TFDP2: variants seen among roughly 807,000 people sequenced by gnomAD.
TFDP2 encodes the protein transcription factor Dp-2, also known as transcription factor Dp-2 (E2F dimerization partner 2).
In TFDP2, 17 loss-of-function variants were observed where a neutral mutation model predicts 59.3. The observed-to-expected ratio is 0.29, with a 90% CI of 0.20 to 0.43. The LOEUF is 0.43. Ranked by LOEUF, TFDP2 falls within the 20% of genes least tolerant of loss-of-function variation. The probability of loss-of-function intolerance (pLI) is 1.00; values close to 1 mark genes in which losing one functional copy is unlikely to be tolerated. For missense variants in TFDP2, 391 were observed against 528.8 expected, an observed-to-expected ratio of 0.74 and a Z score of 2.56; for synonymous variants, 180 against 194.7, an observed-to-expected ratio of 0.92 and a Z score of 0.63.
intron 7 of TFDP2, among the ~76,000 whole-genome samples, chr3:141,974,529 A>G (rs1396510829): frequency 6.6e-6 from 1 of 152,204 alleles, no homozygotes; most frequent in Non-Finnish European, 1.5e-5. Flanking sequence ...GTAGGATAGA[A>G]TGAAGACCAA....
At chr3:141,994,971 T>C (rs1212594966) in intron 5 of TFDP2, 49 bp downstream of exon 5, 5 of 1,453,536 alleles carry the variant, frequency 3.4e-6, no homozygotes, top group South Asian at 1.6e-5. Context: ...GAAAAAAATG[T>C]CTAAACTTTT....
intron 1 of TFDP2, among the ~76,000 whole-genome samples, chr3:142,114,960 A>T (rs2061797674): frequency 1.3e-5 from 2 of 152,048 alleles, no homozygotes; most frequent in Admixed American, 1.3e-4. Flanking sequence ...AGCCTTCCAT[A>T]AAAAAATTCT....
intron 1 of TFDP2, among the ~76,000 whole-genome samples, chr3:142,127,303 CTTTT>C (rs769181436): frequency 9.2e-6 from 1 of 108,324 alleles, no homozygotes; most frequent in Non-Finnish European, 1.9e-5. Context: ...CTACACTCCG[CTTTT>C]TTTTTTTTTT....
At chr3:141,989,961 T>C (rs1010996242) in intron 6 of TFDP2, among the ~76,000 whole-genome samples, 2 of 151,808 alleles carry the variant, frequency 1.3e-5, no homozygotes, top group Non-Finnish European at 2.9e-5. Flanking sequence ...TGGCACGAAC[T>C]TGGCTCACTG....
Position 142,149,347 on chromosome 3 carries a change from G to C in TFDP2, c.-257C>G. 2.5e-6 allele frequency: 1 copy of C among 392,436 alleles called. No homozygotes were observed. Among genetic ancestry groups the C allele is most frequent in the East Asian group, 3.6e-5 (1 of 27,710 alleles). The allele number at this position is 392,436 out of a possible 1,614,324, so 24.3% of individuals were successfully genotyped here. A position where few individuals can be genotyped will look rare whatever the true frequency, so the allele number is the denominator to read the frequency against. On this transcript the variant is annotated 5_prime_UTR_variant, in exon 1 of 13. Coordinates refer to ENST00000489671, the MANE Select transcript of TFDP2 (RefSeq NM_001178139.2). ...CGGCCTGCCCGGTCAAGGCCCAGGA[G>C]TTTGAGGCCCCAGAACGCCAACCGT...
intron 3 of TFDP2, among the ~76,000 whole-genome samples, chr3:142,051,879 A>G (rs935463626): frequency 2.9e-4 from 44 of 151,858 alleles, no homozygotes; most frequent in Admixed American, 2.0e-4. Context: ...TAATCCCAGC[A>G]CTTTGGGAAG....
rs2060895238 is a variant in TFDP2 at position 142,088,716 on chromosome 3, T to C, written c.82+4345A>G. Reference sequence around the variant, plus strand: ...GCCTCAAATTCCTGGACTCAGGAAATCCTTCCACCTCAGTCTCCCAGGGTG... The same window carrying C: ...GCCTCAAATTCCTGGACTCAGGAAACCCTTCCACCTCAGTCTCCCAGGGTG... On this transcript the variant is annotated intron_variant, in intron 3 of 12. Coordinates refer to ENST00000489671, the MANE Select transcript of TFDP2 (RefSeq NM_001178139.2). Among the ~76,000 whole-genome samples, 3 of 150,592 alleles carry C rather than the reference T, an allele frequency of 2.0e-5. No individual in the cohort carries two copies. The Admixed American group carries it at 2.0e-4, about 10-fold the overall frequency.
chr3:142,100,280 A>T (rs184515996), intron 2 of TFDP2, among the ~76,000 whole-genome samples: 10 of 152,360 alleles, frequency 6.6e-5, no homozygotes, highest in African/African-American at 2.4e-4. Flanking sequence ...AACTAACTAA[A>T]GCACTAGTCA....
At chr3:142,136,204 T>C (rs2062731101) in intron 1 of TFDP2, among the ~76,000 whole-genome samples, 1 of 152,132 alleles carries the variant, frequency 6.6e-6, no homozygotes, top group Non-Finnish European at 1.5e-5. Context: ...ATGTCTTCTT[T>C]TGAGAAGTAT....
chr3:141,994,460 G>C (rs2108192529), intron 5 of TFDP2: 1 of 152,280 alleles, frequency 6.6e-6, no homozygotes, highest in South Asian at 2.1e-4. Context: ...ATGATAAAGA[G>C]TGGAGAAAGG....
intron 6 of TFDP2, among the ~76,000 whole-genome samples, chr3:141,981,840 T>G (rs1195469435): frequency 6.6e-6 from 1 of 152,052 alleles, no homozygotes; most frequent in Non-Finnish European, 1.5e-5. Context: ...ACTGGAGCTG[T>G]GGTAGGGCAG....
At chr3:141,971,410 G>A (rs1424789466) in intron 8 of TFDP2, among the ~76,000 whole-genome samples, 2 of 150,858 alleles carry the variant, frequency 1.3e-5, no homozygotes, top group Non-Finnish European at 3.0e-5. Flanking sequence ...TTAGCCAGGC[G>A]TGTTGGCAGG....
intron 1 of TFDP2, among the ~76,000 whole-genome samples, chr3:142,104,458 T>C (rs551489629): frequency 1.3e-5 from 2 of 152,272 alleles, no homozygotes; most frequent in African/African-American, 4.8e-5. Flanking sequence ...GGCACAAATT[T>C]ATAAAATTTG....
At chr3:141,973,123 A>ATATATATATATTTTTTTT in intron 8 of TFDP2, among the ~76,000 whole-genome samples, 1 of 58,030 alleles carries the variant, frequency 1.7e-5, no homozygotes, top group Non-Finnish European at 3.7e-5. Context: ...ATATATATAT[A>ATATATATATATTTTTTTT]TTTTTTTTTT....
At position 142,093,512 on chromosome 3, in the gene TFDP2, C is replaced by T. The variant is rs574719426; in HGVS notation, c.16-385G>A. ...GCTTAAGATAAAAATTAATGAAATA[C>T]TATTACTTATGAGCAGAACTGAGAT... On this transcript the variant is annotated intron_variant, in intron 2 of 12. Coordinates refer to ENST00000489671, the MANE Select transcript of TFDP2 (RefSeq NM_001178139.2). Among the ~76,000 whole-genome samples, 8 of 151,824 alleles carry T rather than the reference C, an allele frequency of 5.3e-5. No homozygotes were observed. In the South Asian group the frequency reaches 1.5e-3, roughly 28 times the overall value.
At chr3:142,064,388 G>A (rs1008381147) in intron 3 of TFDP2, among the ~76,000 whole-genome samples, 1 of 152,058 alleles carries the variant, frequency 6.6e-6, no homozygotes, top group African/African-American at 2.4e-5. Context: ...ATGCCCTCTA[G>A]GTGACTCTCA....
At chr3:142,058,327 T>G (rs1411045676) in intron 3 of TFDP2, among the ~76,000 whole-genome samples, 2 of 152,032 alleles carry the variant, frequency 1.3e-5, no homozygotes, top group Non-Finnish European at 2.9e-5. Context: ...GGGTTTTTTT[T>G]TTTTTTTTTA....
chr3:141,987,888 G>C (rs1392917252), intron 6 of TFDP2, among the ~76,000 whole-genome samples: 6 of 149,840 alleles, frequency 4.0e-5, no homozygotes, highest in African/African-American at 1.5e-4. Flanking sequence ...GCAGTGGGCT[G>C]AGATTGTGCC....
At chr3:142,024,569 A>G (rs947531672) in intron 3 of TFDP2, among the ~76,000 whole-genome samples, 4 of 152,160 alleles carry the variant, frequency 2.6e-5, no homozygotes, top group African/African-American at 4.8e-5. Context: ...CAGAAAAAAA[A>G]GGCTAAATCA....
Sources: allele counts gnomAD v4.1 joint callset (sites outside exome capture counted in the v4.1 genomes callset), GRCh38; gene constraint gnomAD v4.1.1; transcripts MANE v1.5; gene names NCBI Gene and HGNC (gene_info 2026-07-23, HGNC 2026-07-21).